TNIK: variants seen among roughly 807,000 people sequenced by gnomAD.
TNIK encodes TRAF2 and NCK interacting kinase.
A neutral mutation model predicts 191.3 loss-of-function variants in TNIK; 49 were observed. The ratio of observed to expected loss-of-function variants is 0.26; its 90% CI spans 0.20 to 0.32. The LOEUF (loss-of-function observed/expected upper bound fraction) is 0.32, where lower values mean the gene tolerates loss of function less well. Ranked by LOEUF, TNIK falls within the 10% of genes least tolerant of loss-of-function variation. TNIK has a pLI of 1.00. For missense variants in TNIK, 1,155 were observed against 1,702.3 expected (o/e 0.68, Z 5.66); for synonymous variants, 594 against 600.9 (o/e 0.99, Z 0.17).
At chr3:171,436,591 C>T (rs527520726) in intron 1 of TNIK, among the ~76,000 whole-genome samples, 4 of 152,298 alleles carry the variant, frequency 2.6e-5, no homozygotes, top group African/African-American at 9.6e-5. Flanking sequence ...CTGATGTAAT[C>T]GTAAGTCATT....
At chr3:171,442,845 C>T (rs1389896604) in intron 1 of TNIK, among the ~76,000 whole-genome samples, 1 of 152,130 alleles carries the variant, frequency 6.6e-6, no homozygotes, top group African/African-American at 2.4e-5. Context: ...TTCCCCCTCC[C>T]CCAAAATGTG....
intron 8 of TNIK, among the ~76,000 whole-genome samples, chr3:171,175,842 T>A (rs1439725453): frequency 6.6e-6 from 1 of 152,258 alleles, no homozygotes; most frequent in African/African-American, 2.4e-5. Flanking sequence ...CCATTTTCTC[T>A]GTTTCCAGAT....
chr3:171,306,641 G>GAAC (rs367897843), intron 2 of TNIK, among the ~76,000 whole-genome samples: 2 of 152,056 alleles, frequency 1.3e-5, no homozygotes, highest in Non-Finnish European at 2.9e-5. Flanking sequence ...GATTCCTTTT[G>GAAC]AACAACAACA....
chr3:171,300,526 A>T (rs1752767623), intron 2 of TNIK, among the ~76,000 whole-genome samples: 1 of 152,206 alleles, frequency 6.6e-6, no homozygotes, highest in Non-Finnish European at 1.5e-5. Flanking sequence ...GATTCTGGGC[A>T]GAGAATTGTG....
chr3:171,433,184 A>T (rs1263716672), intron 1 of TNIK, among the ~76,000 whole-genome samples: 1 of 139,304 alleles, frequency 7.2e-6, no homozygotes, highest in Non-Finnish European at 1.6e-5. Flanking sequence ...AACAGTCTAT[A>T]TAGAAAAACA....
Position 171,406,684 on chromosome 3 carries a change from G to A in TNIK, c.58-36999C>T, listed in dbSNP as rs76505000. Among the ~76,000 whole-genome samples, 465 of 152,246 alleles carry A rather than the reference G, an allele frequency of 3.1e-3. 18 individuals carry two copies. In the East Asian group the frequency reaches 0.077, roughly 25 times the overall value. ...CTGGCCTCAGGTGATCTTCCCACCT[G>A]GGCCTCCCAAGTTGCTGGGATTACA... On this transcript the variant is annotated intron_variant, in intron 1 of 32. Transcript: ENST00000436636.
chr3:171,446,596 C>T (rs1218235304), intron 1 of TNIK, among the ~76,000 whole-genome samples: 8 of 152,178 alleles, frequency 5.3e-5, no homozygotes, highest in Non-Finnish European at 1.2e-4. Flanking sequence ...GTCCAGAATA[C>T]GGAGCTTTTT....
chr3:171,251,371 G>A (rs1746203266), intron 2 of TNIK, among the ~76,000 whole-genome samples: 1 of 152,194 alleles, frequency 6.6e-6, no homozygotes, highest in Non-Finnish European at 1.5e-5. Context: ...CTGAGATGAT[G>A]TCTACATGTT....
chr3:171,324,805 A>G (rs1755555496), intron 2 of TNIK, among the ~76,000 whole-genome samples: 1 of 152,136 alleles, frequency 6.6e-6, no homozygotes, highest in South Asian at 2.1e-4. Context: ...TTTGTTAAAG[A>G]GAAGAACTCA....
At chr3:171,212,837 T>C (rs543318090) in intron 3 of TNIK, among the ~76,000 whole-genome samples, 2 of 152,286 alleles carry the variant, frequency 1.3e-5, no homozygotes, top group Admixed American at 1.3e-4. Flanking sequence ...AATAGTGAAG[T>C]GCTGACATTT....
chr3:171,345,716 T>C (rs1712065689), intron 2 of TNIK, among the ~76,000 whole-genome samples: 1 of 152,112 alleles, frequency 6.6e-6, no homozygotes, highest in East Asian at 1.9e-4. Flanking sequence ...GAAAATGGAC[T>C]TTTTTTCCCC....
intron 2 of TNIK, among the ~76,000 whole-genome samples, chr3:171,245,857 A>G (rs1427689409): frequency 6.6e-6 from 1 of 152,218 alleles, no homozygotes; most frequent in Non-Finnish European, 1.5e-5. Flanking sequence ...TATTATGACT[A>G]TTTTGATTTA....
intron 15 of TNIK, among the ~76,000 whole-genome samples, chr3:171,133,548 C>T (rs896162952): frequency 1.3e-5 from 2 of 152,142 alleles, no homozygotes; most frequent in African/African-American, 4.8e-5. Context: ...GGCAGATGTG[C>T]GGATGAGGAA....
At position 171,365,161 on chromosome 3, in the gene TNIK, C is replaced by CTTTTTTTTTTTTTTTTTTTT. The variant is rs60887361; in HGVS notation, c.123+4439_123+4458dup. Among the ~76,000 whole-genome samples, 63 of 31,934 alleles carry CTTTTTTTTTTTTTTTTTTTT rather than the reference C, an allele frequency of 2.0e-3. 19 individuals carry two copies. Among genetic ancestry groups the CTTTTTTTTTTTTTTTTTTTT allele is most frequent in the South Asian group, 3.5e-3 (2 of 578 alleles). The allele number at this position is 31,934 out of a possible 152,430, so 20.9% of individuals were successfully genotyped here. On this transcript the variant is annotated intron_variant, in intron 2 of 32. Transcript: ENST00000436636. Reference sequence around the variant, plus strand: ...AAGGACTACACAAAAGGACTACATTCTTTTTTTTTTTTTTTTTTTTTTTTT... The same window carrying CTTTTTTTTTTTTTTTTTTTT: ...AAGGACTACACAAAAGGACTACATTCTTTTTTTTTTTTTTTTTTTTTTTTTTTTTTTTTTTTTTTTTTTTT...
intron 1 of TNIK, among the ~76,000 whole-genome samples, chr3:171,450,073 C>T (rs1346833940): frequency 6.6e-6 from 1 of 152,138 alleles, no homozygotes; most frequent in East Asian, 1.9e-4. Context: ...TTTAACAACT[C>T]AGCAGGCTTA....
In TNIK at chr3:171,162,265, C is replaced by CA. The variant is rs1252126004; in HGVS notation, c.950-930dup. 5.7e-4 allele frequency among the ~76,000 whole-genome samples: 86 copies of CA among 149,952 alleles called. 2 individuals are homozygous for CA. Among genetic ancestry groups the CA allele is most frequent in the African/African-American group, 1.8e-3 (72 of 40,880 alleles). ...TGAAACCCCATCTCTACTAAAAATA[C>CA]AAAAAAAAATTAGCTGGGCGTGGTT... On this transcript the variant is annotated intron_variant, in intron 10 of 32. Coordinates refer to ENST00000436636, the MANE Select transcript of TNIK (RefSeq NM_015028.4).
At chr3:171,204,335 T>TTATAA (rs1739797734) in intron 4 of TNIK, among the ~76,000 whole-genome samples, 1 of 152,196 alleles carries the variant, frequency 6.6e-6, no homozygotes. Context: ...ACTGATAGGA[T>TTATAA]TCGTACAGAT....
rs1718220370 is a variant in TNIK at position 171,064,821 on chromosome 3, A to G, written c.4000-857T>C. On this transcript the variant is annotated intron_variant, in intron 32 of 32. Transcript: ENST00000436636. Reference sequence around the variant, plus strand: ...AGGTAGTTGCTTTTGTCACTAGTCTAAAGTCTCTGCTACTTCATTTCTACA... The same window carrying G: ...AGGTAGTTGCTTTTGTCACTAGTCTGAAGTCTCTGCTACTTCATTTCTACA... 2.0e-5 allele frequency among the ~76,000 whole-genome samples: 3 copies of G among 152,324 alleles called. No individual in the cohort carries two copies. The South Asian group carries it at 6.2e-4, about 32-fold the overall frequency.
chr3:171,408,473 G>A (rs1721989196), intron 1 of TNIK, among the ~76,000 whole-genome samples: 1 of 152,146 alleles, frequency 6.6e-6, no homozygotes, highest in African/African-American at 2.4e-5. Flanking sequence ...CCGCCATGAA[G>A]GACTTTTACT....
Sources: allele counts gnomAD v4.1 joint callset (sites outside exome capture counted in the v4.1 genomes callset), GRCh38; gene constraint gnomAD v4.1.1; transcripts MANE v1.5; gene names NCBI Gene and HGNC (gene_info 2026-07-23, HGNC 2026-07-21).